SMARCAD1: variants seen among roughly 807,000 people sequenced by gnomAD.
SMARCAD1 encodes SWI/SNF-related matrix-associated actin-dependent regulator of chromatin subfamily A containing DEAD/H box 1.
SMARCAD1 carries 25 observed loss-of-function variants against 127.1 expected under a neutral mutation model. The observed-to-expected ratio is 0.20, with a 90% CI of 0.14 to 0.27. The LOEUF is 0.27. SMARCAD1 is among the 10% of genes least tolerant of loss of function. The pLI, the probability that SMARCAD1 is intolerant of heterozygous loss-of-function variation, is 1.00. For missense variants in SMARCAD1, 807 were observed against 1,206.0 expected (o/e 0.67, Z 4.90); for synonymous variants, 400 against 396.9 (o/e 1.01, Z -0.09).
At chr4:94,254,362 G>A (rs1180012690) in intron 9 of SMARCAD1, among the ~76,000 whole-genome samples, 1 of 151,974 alleles carries the variant, frequency 6.6e-6, no homozygotes, top group Non-Finnish European at 1.5e-5. Context: ...GGGTTGCTCA[G>A]GCTTGTTGAG....
At chr4:94,241,913 A>G (rs1174701364) in intron 6 of SMARCAD1, among the ~76,000 whole-genome samples, 1 of 152,170 alleles carries the variant, frequency 6.6e-6, no homozygotes, top group African/African-American at 2.4e-5. Flanking sequence ...GGTGTTCACA[A>G]AATGGATGAT....
chr4:94,287,600 A>G (rs1225860696), intron 23 of SMARCAD1, among the ~76,000 whole-genome samples: 1 of 152,108 alleles, frequency 6.6e-6, no homozygotes, highest in Non-Finnish European at 1.5e-5. Flanking sequence ...TTCTATACCT[A>G]CTTAGTCAAA....
rs746504711 is a variant in SMARCAD1 at position 94,208,431 on chromosome 4, A to G, written c.37A>G (p.Lys13Glu). ...LFNLDRFRFE[K>E]RNKIEEAPEA... ...CAACCTGGACCGTTTTCGCTTTGAG[A>G]AAAGGAATAAGATTGAGGAAGCGCC... is the stretch of plus-strand genomic sequence containing the variant. Residue 13 changes from lysine to glutamate, a missense_variant, in exon 2 of 24, where the codon AAA becomes GAA. Transcript: ENST00000354268. 14 of 1,613,936 alleles carry G rather than the reference A, an allele frequency of 8.7e-6. No individual in the cohort carries two copies. The highest frequency in any genetic ancestry group is 2.7e-5 in the African/African-American group (2 of 74,872).
At chr4:94,233,643 T>TA (rs1318230268) in intron 3 of SMARCAD1, among the ~76,000 whole-genome samples, 1 of 152,088 alleles carries the variant, frequency 6.6e-6, no homozygotes, top group African/African-American at 2.4e-5. Context: ...AGAAGATGAG[T>TA]AAAGAGGAAG....
chr4:94,214,469 G>A (rs183547472), intron 2 of SMARCAD1, among the ~76,000 whole-genome samples: 41 of 151,318 alleles, frequency 2.7e-4, no homozygotes, highest in African/African-American at 9.5e-4. Context: ...CGGTTTCACC[G>A]TATTAGCCAG....
Position 94,289,551 on chromosome 4 carries a change from T to A in SMARCAD1, c.*17T>A. 1.3e-6 allele frequency: 2 copies of A among 1,599,184 alleles called. No homozygotes were observed. Among genetic ancestry groups the A allele is most frequent in the Non-Finnish European group, 1.7e-6 (2 of 1,166,490 alleles). On this transcript the variant is annotated 3_prime_UTR_variant, in exon 24 of 24. Coordinates refer to ENST00000354268, the MANE Select transcript of SMARCAD1 (RefSeq NM_020159.5). Reference sequence around the variant, plus strand: ...GGCCTGTGAAATAAGAACTGTGAACTCTCAATTGATGAGGAAATATCAACT... The same window carrying A: ...GGCCTGTGAAATAAGAACTGTGAACACTCAATTGATGAGGAAATATCAACT...
intron 23 of SMARCAD1, among the ~76,000 whole-genome samples, chr4:94,285,380 CT>C (rs1282572800): frequency 1.3e-5 from 2 of 152,058 alleles, no homozygotes; most frequent in African/African-American, 2.4e-5. Flanking sequence ...AAGTGTTAGC[CT>C]TTTGTTTTTG....
At chr4:94,270,201 C>G (rs762856087) in intron 10 of SMARCAD1, among the ~76,000 whole-genome samples, 1 of 151,796 alleles carries the variant, frequency 6.6e-6, no homozygotes, top group Non-Finnish European at 1.5e-5. Flanking sequence ...TACATTTGTA[C>G]GTAGTATGCA....
In SMARCAD1 at chr4:94,274,935, G is replaced by A. The variant is rs753012478; in HGVS notation, c.1778G>A (p.Arg593Lys). The change falls in exon 14 of 24, where the codon AGA becomes AAA. Residue 593 changes from arginine (R) to lysine (K), a missense_variant. This residue lies in a region of SMARCAD1 where 148 missense variants were observed against 313.2 expected (regional missense o/e 0.47). Transcript: ENST00000354268. ...RKQIRFNIHSRYEDYNVIVTT... is the reference protein window; with the variant it reads ...RKQIRFNIHSKYEDYNVIVTT... ...CAAATTAGATTTAACATTCATAGTA[G>A]ATATGAAGATTACAATGTAATTGTG... The A allele has an allele frequency of 2.5e-6, 4 of 1,602,342 alleles. No homozygotes were observed. Among genetic ancestry groups the A allele is most frequent in the Non-Finnish European group, 2.6e-6 (3 of 1,170,534 alleles).
chr4:94,211,552 G>A (rs1215506471), intron 2 of SMARCAD1, among the ~76,000 whole-genome samples: 1 of 152,210 alleles, frequency 6.6e-6, no homozygotes, highest in Non-Finnish European at 1.5e-5. Flanking sequence ...ACAGTAAAGT[G>A]TCAGGTCAAA....
At chr4:94,209,327 G>C (rs1363133085) in intron 2 of SMARCAD1, among the ~76,000 whole-genome samples, 3 of 152,192 alleles carry the variant, frequency 2.0e-5, no homozygotes, top group African/African-American at 7.2e-5. Flanking sequence ...CTGACATAGA[G>C]GTTAATGTGA....
At chr4:94,237,157 C>T in intron 5 of SMARCAD1, 139 bp downstream of exon 5, 1 of 735,792 alleles carries the variant, frequency 1.4e-6, no homozygotes, top group Non-Finnish European at 2.3e-6. Context: ...AATAGTTTCA[C>T]TGTTTTTCCC....
chr4:94,259,756 C>T (rs1221147985), intron 9 of SMARCAD1, among the ~76,000 whole-genome samples: 1 of 152,148 alleles, frequency 6.6e-6, no homozygotes, highest in African/African-American at 2.4e-5. Context: ...CACTTCCTTC[C>T]ATCATATTAT....
At chr4:94,271,105 T>C (rs1752483871) in intron 11 of SMARCAD1, among the ~76,000 whole-genome samples, 1 of 152,238 alleles carries the variant, frequency 6.6e-6, no homozygotes, top group Non-Finnish European at 1.5e-5. Flanking sequence ...CCTGTAATTC[T>C]ACCACTTAAA....
At chr4:94,280,879 G>A (rs1036317244) in intron 20 of SMARCAD1, 99 bp downstream of exon 20, 17 of 1,118,664 alleles carry the variant, frequency 1.5e-5, no homozygotes, top group Non-Finnish European at 1.9e-5. Context: ...GCCTATGTCT[G>A]TTCTGCATTC....
chr4:94,266,685 C>T (rs1751774317), intron 10 of SMARCAD1, among the ~76,000 whole-genome samples: 1 of 152,056 alleles, frequency 6.6e-6, no homozygotes, highest in African/African-American at 2.4e-5. Flanking sequence ...TTTATTAGCA[C>T]AGAGGAAAAT....
chr4:94,284,350 A>AG lies in SMARCAD1; in HGVS notation c.2910-610_2910-609insG, dbSNP rs1560571419. ...TCAAAAAAAAAAAAAAAAAAAAAAA[A>AG]AAAGAAAAAAGTAATTTCCATCTGA... On this transcript the variant is annotated intron_variant, in intron 22 of 23. Coordinates refer to ENST00000354268, the MANE Select transcript of SMARCAD1 (RefSeq NM_020159.5). Among the ~76,000 whole-genome samples, 14 of 100,370 alleles carry AG rather than the reference A, an allele frequency of 1.4e-4. 1 individual carries two copies. The highest frequency in any genetic ancestry group is 2.8e-4 in the Non-Finnish European group (12 of 43,382). 65.8% of individuals were successfully genotyped at this position (100,370 alleles called of 152,430 possible). A position where few individuals can be genotyped will look rare whatever the true frequency, so the allele number is the denominator to read the frequency against.
chr4:94,259,993 T>G (rs1750713909), intron 9 of SMARCAD1, among the ~76,000 whole-genome samples: 1 of 152,198 alleles, frequency 6.6e-6, no homozygotes, highest in African/African-American at 2.4e-5. Flanking sequence ...TTATTAAGAT[T>G]GCTTGATAGG....
At chr4:94,240,374 T>G (rs1747393539) in intron 5 of SMARCAD1, among the ~76,000 whole-genome samples, 1 of 152,220 alleles carries the variant, frequency 6.6e-6, no homozygotes, top group African/African-American at 2.4e-5. Flanking sequence ...TTAAAAGCAT[T>G]TGTTGCTTAA....
Sources: gnomAD v4.1 joint callset for allele counts (sites outside exome capture counted in the v4.1 genomes callset) on GRCh38, gnomAD v4.1.1 for gene constraint, gnomAD v4.1.1 regional missense constraint, MANE v1.5 for transcripts, NCBI Gene and HGNC (gene_info 2026-07-23, HGNC 2026-07-21) for gene names.